CSMD1: variants seen among roughly 807,000 people sequenced by gnomAD.
The protein encoded by CSMD1 is CUB and sushi domain-containing protein 1.
Under a neutral mutation model 417.5 loss-of-function variants are expected in CSMD1, and 213 were observed. The ratio of observed to expected loss-of-function variants is 0.51; its 90% confidence interval spans 0.46 to 0.57. The LOEUF (loss-of-function observed/expected upper bound fraction) is 0.57. Ranked by LOEUF, CSMD1 falls within the 20% of genes least tolerant of loss-of-function variation. The probability of loss-of-function intolerance (pLI) is 0.00; values close to 1 mark genes in which losing one functional copy is unlikely to be tolerated. For missense variants in CSMD1, 6,923 were observed against 4,529.7 expected (o/e 1.53, Z -15.17); for synonymous variants, 2,862 against 1,736.8 (o/e 1.65, Z -16.11).
intron 5 of CSMD1, among the ~76,000 whole-genome samples, chr8:3,921,810 C>G (rs1040882741): frequency 2.0e-5 from 3 of 152,120 alleles, no homozygotes. Flanking sequence ...AACATATGAT[C>G]TATCCTGGAG....
At chr8:3,254,917 G>A (rs1329796095) in intron 26 of CSMD1, among the ~76,000 whole-genome samples, 2 of 152,176 alleles carry the variant, frequency 1.3e-5, no homozygotes, top group Non-Finnish European at 2.9e-5. Context: ...TTGGTGAGGA[G>A]CTGATTTCCT....
chr8:4,889,906 C>A (rs982392102), intron 1 of CSMD1, among the ~76,000 whole-genome samples: 1 of 152,050 alleles, frequency 6.6e-6, no homozygotes, highest in African/African-American at 2.4e-5. Context: ...GTCCAGTTCA[C>A]AGAGCCAGTT....
intron 5 of CSMD1, among the ~76,000 whole-genome samples, chr8:3,796,400 G>C (rs111216027): frequency 1.4e-5 from 1 of 72,204 alleles, no homozygotes. Flanking sequence ...ATCATGTATA[G>C]ATATAGATAT....
At chr8:4,205,240 A>T (rs151016036) in intron 3 of CSMD1, among the ~76,000 whole-genome samples, 140 of 152,294 alleles carry the variant, frequency 9.2e-4, no homozygotes, top group African/African-American at 3.2e-3. Flanking sequence ...TTCAAATATC[A>T]CCTACATTAT....
Position 4,774,026 on chromosome 8 carries a change from A to T in CSMD1, c.86-136468T>A, listed in dbSNP as rs557080308. ...GCCTGGCCAACATGGTGAAACCCCA[A>T]CTCTACTAAAAATACAAAATATTAG... On this transcript the variant is annotated intron_variant, in intron 1 of 69. Coordinates refer to ENST00000635120, the MANE Select transcript of CSMD1 (RefSeq NM_033225.6). 1.3e-3 allele frequency among the ~76,000 whole-genome samples: 198 copies of T among 151,924 alleles called. 5 individuals carry two copies. The South Asian group carries it at 0.039, about 30-fold the overall frequency.
intron 40 of CSMD1, 130 bp downstream of exon 40, chr8:3,151,267 A>C (rs2129035696): frequency 1.7e-6 from 1 of 599,276 alleles, no homozygotes; most frequent in Non-Finnish European, 3.0e-6. Context: ...AGCTTTATTT[A>C]AATCTGTACG....
At chr8:4,223,894 C>G (rs1382358333) in intron 3 of CSMD1, among the ~76,000 whole-genome samples, 1 of 152,140 alleles carries the variant, frequency 6.6e-6, no homozygotes, top group Admixed American at 6.5e-5. Flanking sequence ...AATTAAAATG[C>G]TTATCACTAT....
At chr8:4,226,590 C>G (rs545226125) in intron 3 of CSMD1, among the ~76,000 whole-genome samples, 95 of 152,146 alleles carry the variant, frequency 6.2e-4, no homozygotes, top group Non-Finnish European at 4.9e-4. Flanking sequence ...ATTAAAAGGG[C>G]TGTATTTTTC....
intron 23 of CSMD1, among the ~76,000 whole-genome samples, chr8:3,326,147 A>G (rs1252021510): frequency 6.6e-6 from 1 of 152,168 alleles, no homozygotes. Flanking sequence ...TTTCAGTGGG[A>G]CGTTCGACAA....
intron 17 of CSMD1, among the ~76,000 whole-genome samples, chr8:3,393,373 C>T (rs1051215962): frequency 4.6e-5 from 7 of 152,200 alleles, no homozygotes; most frequent in African/African-American, 1.2e-4. Flanking sequence ...GAATGCTAGA[C>T]TCTCCAGCAG....
At chr8:4,105,121 A>G (rs139670653) in intron 3 of CSMD1, among the ~76,000 whole-genome samples, 42 of 152,336 alleles carry the variant, frequency 2.8e-4, no homozygotes, top group African/African-American at 8.7e-4. Flanking sequence ...AGCTCCCTAC[A>G]TGTAATACAC....
intron 1 of CSMD1, among the ~76,000 whole-genome samples, chr8:4,880,081 T>A (rs1803296865): frequency 6.6e-6 from 1 of 152,088 alleles, no homozygotes; most frequent in South Asian, 2.1e-4. Flanking sequence ...AACTTATTAG[T>A]TTTGGCCGTT....
In CSMD1 at chr8:4,422,731, A is replaced by T. The variant is rs73658878; in HGVS notation, c.303-2666T>A. Among the ~76,000 whole-genome samples, 1,220 of 152,270 alleles carry T rather than the reference A, an allele frequency of 8.0e-3. 14 individuals carry two copies. Among genetic ancestry groups the T allele is most frequent in the African/African-American group, 0.028 (1,151 of 41,584 alleles). On this transcript the variant is annotated intron_variant, in intron 2 of 69. Transcript: ENST00000635120. ...AATATCAAAACCAGATAAACACAGA[A>T]AAAAGAAAAATAAAATAATGTCTCT...
At chr8:3,868,390 C>T (rs574509077) in intron 5 of CSMD1, among the ~76,000 whole-genome samples, 3 of 152,196 alleles carry the variant, frequency 2.0e-5, no homozygotes, top group African/African-American at 4.8e-5. Flanking sequence ...GCCACAGGTC[C>T]CTGCTGTGCA....
chr8:3,982,098 C>T (rs1585074350), intron 5 of CSMD1, among the ~76,000 whole-genome samples: 1 of 151,126 alleles, frequency 6.6e-6, no homozygotes, highest in Admixed American at 6.6e-5. Flanking sequence ...GTGGAGGTTG[C>T]AGTGAGTCGA....
chr8:3,511,058 G>C (rs1037798602), intron 10 of CSMD1, among the ~76,000 whole-genome samples: 3 of 151,822 alleles, frequency 2.0e-5, no homozygotes, highest in Non-Finnish European at 4.4e-5. Context: ...CAATAAAAAA[G>C]GATGACTTGA....
intron 6 of CSMD1, among the ~76,000 whole-genome samples, chr8:3,749,369 A>G (rs1358357041): frequency 6.6e-6 from 1 of 152,168 alleles, no homozygotes; most frequent in Non-Finnish European, 1.5e-5. Context: ...TTTAAAAGTG[A>G]ATAGATTTTA....
At chr8:4,658,605 G>A (rs1456926190) in intron 1 of CSMD1, among the ~76,000 whole-genome samples, 1 of 152,076 alleles carries the variant, frequency 6.6e-6, no homozygotes, top group African/African-American at 2.4e-5. Flanking sequence ...TACAATGAAT[G>A]CCAGTGCGGA....
At chr8:4,730,461 C>G (rs753421298) in intron 1 of CSMD1, among the ~76,000 whole-genome samples, 7 of 152,104 alleles carry the variant, frequency 4.6e-5, no homozygotes, top group Admixed American at 1.3e-4. Flanking sequence ...AAGAAAATGG[C>G]CAGGAGCAGT....
Sources: allele counts gnomAD v4.1 joint callset (sites outside exome capture counted in the v4.1 genomes callset), GRCh38; gene constraint gnomAD v4.1.1; transcripts MANE v1.5; gene names NCBI Gene and HGNC (gene_info 2026-07-23, HGNC 2026-07-21).